LY75: variants seen among roughly 807,000 people sequenced by gnomAD.
The protein encoded by LY75 is C-type lectin domain family 13 member B.
A neutral mutation model predicts 231.7 loss-of-function variants in LY75; 185 were observed. That is an observed-to-expected ratio of 0.80 (90% CI 0.71 to 0.90). The LOEUF (loss-of-function observed/expected upper bound fraction) is 0.90. Ranked by LOEUF, LY75 falls within the 40% of genes least tolerant of loss-of-function variation. The pLI is 0.00. For synonymous variants in LY75, 668 were observed against 689.0 expected, an observed-to-expected ratio of 0.97 and a Z score of 0.48; for missense variants, 1,947 against 2,050.2, an observed-to-expected ratio of 0.95 and a Z score of 0.97.
intron 1 of LY75, 21 bp downstream of exon 1, chr2:159,904,568 G>T: frequency 3.3e-6 from 5 of 1,505,612 alleles, no homozygotes; most frequent in African/African-American, 2.9e-5. Flanking sequence ...CGGACTGCGG[G>T]GCTGGCGTGC....
At chr2:159,853,094 TCA>T (rs1560082211) in intron 20 of LY75, among the ~76,000 whole-genome samples, 177 bp downstream of exon 20, 1 of 152,222 alleles carries the variant, frequency 6.6e-6, no homozygotes, top group African/African-American at 2.4e-5. Context: ...GTTAAAATAT[TCA>T]CAGTGAAAAG....
intron 27 of LY75, among the ~76,000 whole-genome samples, chr2:159,833,106 G>A (rs1225197785): frequency 6.7e-6 from 1 of 149,130 alleles, no homozygotes; most frequent in East Asian, 2.0e-4. Flanking sequence ...CTGCTCTCTT[G>A]TGTGTCATTT....
intron 25 of LY75, among the ~76,000 whole-genome samples, chr2:159,839,095 C>T (rs1026277610): frequency 3.6e-4 from 54 of 152,102 alleles, no homozygotes; most frequent in Admixed American, 2.4e-3. Context: ...CATGCCCGGC[C>T]GATCTGGGTT....
chr2:159,814,293 T>C (rs1328571032), intron 31 of LY75, among the ~76,000 whole-genome samples: 2 of 152,180 alleles, frequency 1.3e-5, no homozygotes, highest in Non-Finnish European at 2.9e-5. Flanking sequence ...TTAAGGATCA[T>C]ATAAATTTGG....
At chr2:159,864,285 T>C (rs989695388) in intron 14 of LY75, among the ~76,000 whole-genome samples, 1 of 152,176 alleles carries the variant, frequency 6.6e-6, no homozygotes, top group Non-Finnish European at 1.5e-5. Flanking sequence ...GTCTGTGTTT[T>C]TGAGTTCGTA....
intron 9 of LY75, among the ~76,000 whole-genome samples, 178 bp from the exon 10 acceptor site, chr2:159,878,899 CTG>C (rs1685354523): frequency 6.6e-6 from 1 of 152,156 alleles, no homozygotes; most frequent in African/African-American, 2.4e-5. Flanking sequence ...CTCCACAAGA[CTG>C]TGGGCCTGTG....
intron 2 of LY75, among the ~76,000 whole-genome samples, chr2:159,896,188 C>T (rs375621302): frequency 2.6e-5 from 4 of 152,208 alleles, no homozygotes; most frequent in Non-Finnish European, 5.9e-5. Context: ...ATTTCCTCTG[C>T]GTGATTCACC....
At chr2:159,811,703 T>A (rs969498857) in intron 31 of LY75, among the ~76,000 whole-genome samples, 2 of 152,206 alleles carry the variant, frequency 1.3e-5, no homozygotes, top group African/African-American at 4.8e-5. Flanking sequence ...TGAGACTCTT[T>A]AGTGGCCCTT....
chr2:159,843,529 A>C (rs1285953947), intron 23 of LY75, among the ~76,000 whole-genome samples: 1 of 151,986 alleles, frequency 6.6e-6, no homozygotes, highest in Non-Finnish European at 1.5e-5. Flanking sequence ...CTATTGATAA[A>C]GCTTTAAATA....
chr2:159,854,346 T>C lies in LY75; in HGVS notation c.2595+14A>G. 5 of 1,348,190 alleles carry C rather than the reference T, an allele frequency of 3.7e-6. No individual in the cohort carries two copies. The highest frequency in any genetic ancestry group is 4.8e-6 in the Non-Finnish European group (5 of 1,033,642). The allele number at this position is 1,348,190 out of a possible 1,614,324, so 83.5% of individuals were successfully genotyped here. A position where few individuals can be genotyped will look rare whatever the true frequency, so the allele number is the denominator to read the frequency against. On this transcript the variant is annotated intron_variant, in intron 18 of 34. Coordinates refer to ENST00000263636, the MANE Select transcript of LY75 (RefSeq NM_002349.4). ...AAATAAGAAATATATTTAAAATATA[T>C]TCTTTTAAATTACATTTGCTATTTT...
chr2:159,837,626 C>T (rs545990538), intron 25 of LY75, among the ~76,000 whole-genome samples: 1 of 140,518 alleles, frequency 7.1e-6, no homozygotes, highest in African/African-American at 3.2e-5. Flanking sequence ...TGCATGTGTA[C>T]CCCCTGAATC....
At chr2:159,842,855 G>A (rs1684081919) in intron 23 of LY75, among the ~76,000 whole-genome samples, 1 of 151,856 alleles carries the variant, frequency 6.6e-6, no homozygotes, top group African/African-American at 2.4e-5. Context: ...TATTAGATAT[G>A]AAAATTTATT....
intron 25 of LY75, 42 bp downstream of exon 25, chr2:159,840,687 C>T: frequency 6.2e-7 from 1 of 1,612,458 alleles, no homozygotes; most frequent in Non-Finnish European, 8.5e-7. Context: ...AAAAATGTCG[C>T]TTTCCATCAC....
At chr2:159,808,619 A>G (rs1431373630) in intron 32 of LY75, 48 bp from the exon 33 acceptor site, 8 of 1,604,556 alleles carry the variant, frequency 5.0e-6, no homozygotes, top group Non-Finnish European at 6.8e-6. Context: ...AAACTAGAGA[A>G]GTAGTTTATT....
In LY75 at chr2:159,850,093, C is replaced by A. The variant is rs77512128; in HGVS notation, c.3037G>T (p.Gly1013Cys). 1.6e-5 allele frequency: 26 copies of A among 1,613,826 alleles called. No homozygotes were observed. Among genetic ancestry groups the A allele is most frequent in the Non-Finnish European group, 2.1e-5 (25 of 1,179,880 alleles). Residue 1013 changes from glycine (G) to cysteine (C), a missense_variant, in exon 23 of 35, where the codon GGT (glycine) becomes TGT (cysteine). Coordinates refer to ENST00000263636, the MANE Select transcript of LY75 (RefSeq NM_002349.4). ...LPDMEATLWI[G>C]LRWTAYEKIN... ...TTTTCATAGGCAGTCCAGCGCAAAC[C>A]AATCCATAAAGTAGCTTCCATATCC...
At chr2:159,836,804 AC>A (rs1683845191) in intron 25 of LY75, among the ~76,000 whole-genome samples, 1 of 152,114 alleles carries the variant, frequency 6.6e-6, no homozygotes, top group African/African-American at 2.4e-5. Flanking sequence ...CGGCCATGCG[AC>A]TTTGCCTGCA....
intron 12 of LY75, among the ~76,000 whole-genome samples, chr2:159,874,006 T>C (rs867871782): frequency 2.3e-4 from 19 of 82,528 alleles, no homozygotes; most frequent in Admixed American, 3.9e-4. Context: ...AACGTATATA[T>C]TTTGTAAAAA....
At chr2:159,851,294 T>G (rs1279836651) in intron 21 of LY75, among the ~76,000 whole-genome samples, 3 of 152,202 alleles carry the variant, frequency 2.0e-5, no homozygotes, top group Non-Finnish European at 4.4e-5. Flanking sequence ...CACATTATGA[T>G]CACTTTAGTG....
In LY75 at chr2:159,815,453, T is replaced by A. The variant is rs2125830742; in HGVS notation, c.4501A>T (p.Lys1501Ter). 6.2e-7 allele frequency: 1 copy of A among 1,613,020 alleles called. No individual in the cohort carries two copies. The highest frequency in any genetic ancestry group is 1.1e-5 in the South Asian group (1 of 90,946). ...LDPKGTWKHE[K>*]CNSVKDGAIC... ...GCACCATCCTTAACAGAGTTGCATT[T>A]TTCATGTTTCCAAGTTCCTTTTGGA... The change falls in exon 31 of 35, where the codon AAA (lysine) becomes TAA (stop). Residue 1501 changes from lysine (K) to a stop codon, truncating the protein, a stop_gained. Transcript: ENST00000263636. LOFTEE classifies it high-confidence loss of function.
Sources: allele counts gnomAD v4.1 joint callset (sites outside exome capture counted in the v4.1 genomes callset), GRCh38; gene constraint gnomAD v4.1.1; transcripts MANE v1.5; gene names NCBI Gene and HGNC (gene_info 2026-07-23, HGNC 2026-07-21).